The following FANCA variants were observed in gnomAD, a reference collection of about 807,000 sequenced individuals.
The protein encoded by FANCA is FA complementation group A, also known as Fanconi anemia group A protein.
Under a neutral mutation model 194.3 loss-of-function variants are expected in FANCA, and 236 were observed. That is an observed-to-expected ratio of 1.21 (90% CI 1.09 to 1.35). The LOEUF (loss-of-function observed/expected upper bound fraction) is 1.35, where lower values mean the gene tolerates loss of function less well. Among genes scored for constraint, FANCA ranks in the 40% most tolerant of loss-of-function variants. The probability of loss-of-function intolerance (pLI) is 0.00; values close to 1 mark genes in which losing one functional copy is unlikely to be tolerated. For synonymous variants in FANCA, 1,014 were observed against 715.8 expected (o/e 1.42, Z -6.65); for missense variants, 2,628 against 1,813.9 (o/e 1.45, Z -8.15).
chr16:89,765,082 A>C lies in FANCA; in HGVS notation c.2602-16T>G, dbSNP rs762865666. On this transcript the variant is annotated splice_polypyrimidine_tract_variant and intron_variant, in intron 27 of 42. Transcript: ENST00000389301. ...GGAACTGAAACTGAAACAGAGAGTG[A>C]CCCGGCCGTTTCTTCATTGCGCAAG... The C allele has an allele frequency of 6.8e-5, 109 of 1,613,566 alleles. No homozygotes were observed. Among genetic ancestry groups the C allele is most frequent in the Non-Finnish European group, 8.6e-5 (102 of 1,179,742 alleles).
chr16:89,778,961 G>T lies in FANCA; in HGVS notation c.1758C>A (p.Ala586=), dbSNP rs765437064. 6.2e-7 allele frequency: 1 copy of T among 1,614,118 alleles called. No homozygotes were observed. Among genetic ancestry groups the T allele is most frequent in the Non-Finnish European group, 8.5e-7 (1 of 1,180,038 alleles). ...TACTGACCACTCGAGGTGTGAGCAGGGCGGGGAGGAAGTGGGACACGTAGT... is the reference window on the plus strand; with the variant it reads ...TACTGACCACTCGAGGTGTGAGCAGTGCGGGGAGGAAGTGGGACACGTAGT... ...RPYYVSHFLP[A]LLTPRVLPKV... is the part of the protein sequence containing the mutation. The change falls in exon 19 of 43, where the codon GCC becomes GCA. Residue 586 remains alanine, a synonymous_variant. Transcript: ENST00000389301.
chr16:89,812,646 C>CAAAA (rs71137677), intron 3 of FANCA, among the ~76,000 whole-genome samples: 3,492 of 41,574 alleles, frequency 0.084, 244 homozygotes, highest in East Asian at 0.39. Flanking sequence ...TACTCCGTCT[C>CAAAA]AAAAAAAAAA....
intron 32 of FANCA, among the ~76,000 whole-genome samples, chr16:89,749,388 G>T (rs1316693365): frequency 6.6e-6 from 1 of 152,062 alleles, no homozygotes; most frequent in Admixed American, 6.6e-5. Flanking sequence ...AAATTTTTTT[G>T]TATTTTTTTT....
chr16:89,744,323 C>G (rs2062197184), intron 36 of FANCA, among the ~76,000 whole-genome samples: 1 of 152,192 alleles, frequency 6.6e-6, no homozygotes, highest in African/African-American at 2.4e-5. Flanking sequence ...TAGCAGTGCC[C>G]TCTGACGACC....
At chr16:89,763,263 A>T (rs1022845392) in intron 28 of FANCA, among the ~76,000 whole-genome samples, 6 of 152,040 alleles carry the variant, frequency 3.9e-5, no homozygotes, top group Non-Finnish European at 8.8e-5. Context: ...AAAAAATAAT[A>T]ATTTAAAAAT....
At chr16:89,805,451 G>A in intron 6 of FANCA, 59 bp from the exon 7 acceptor site, 1 of 1,375,170 alleles carries the variant, frequency 7.3e-7, no homozygotes, top group Non-Finnish European at 1.0e-6. Flanking sequence ...TCAGGGGATT[G>A]AGTTGAGCCA....
At position 89,738,577 on chromosome 16, in the gene FANCA, GC is replaced by G. The variant is rs776321328; in HGVS notation, c.*23del. The G allele has an allele frequency of 2.0e-5, 33 of 1,613,048 alleles. No homozygotes were observed. Among genetic ancestry groups the G allele is most frequent in the Non-Finnish European group, 2.3e-5 (27 of 1,180,012 alleles). On this transcript the variant is annotated 3_prime_UTR_variant, in exon 43 of 43. Transcript: ENST00000389301. ...AATAAATTATTTACACGGGAGCTGGGCTGGTGTGCAGTGGCAGGTCCCGTCA... is the reference window on the plus strand; with the variant it reads ...AATAAATTATTTACACGGGAGCTGGGTGGTGTGCAGTGGCAGGTCCCGTCA...
chr16:89,780,023 A>C, intron 17 of FANCA, 66 bp from the exon 18 acceptor site: 1 of 1,378,958 alleles, frequency 7.3e-7, no homozygotes, highest in Non-Finnish European at 1.0e-6. Flanking sequence ...TGAGCAGTGA[A>C]GGCCACACTC....
intron 30 of FANCA, among the ~76,000 whole-genome samples, chr16:89,755,073 C>T (rs1306093277): frequency 6.6e-6 from 1 of 152,198 alleles, no homozygotes; most frequent in East Asian, 1.9e-4. Context: ...CAGAAACAAA[C>T]CCTCACACGA....
rs1198054942 is a variant in FANCA at position 89,815,829 on chromosome 16, A to C, written c.189+48T>G. 10 of 1,457,786 alleles carry C rather than the reference A, an allele frequency of 6.9e-6. No homozygotes were observed. The Middle Eastern group carries it at 1.5e-3, about 213-fold the overall frequency. 90.3% of individuals were successfully genotyped at this position (1,457,786 alleles called of 1,614,324 possible). A position where few individuals can be genotyped will look rare whatever the true frequency, so the allele number is the denominator to read the frequency against. On this transcript the variant is annotated intron_variant, in intron 2 of 42. Transcript: ENST00000389301. ...AAGCTGTGCGGTGGCTGGACTCAAA[A>C]ACCCCGAACCTAAATCTGCCCGCAG...
At chr16:89,767,097 G>T in intron 27 of FANCA, 44 bp downstream of exon 27, 4 of 1,489,280 alleles carry the variant, frequency 2.7e-6, no homozygotes, top group Non-Finnish European at 3.7e-6. Flanking sequence ...GCGTAAACCT[G>T]AAACGTATGG....
In FANCA at chr16:89,752,073, A is replaced by C; in HGVS notation, c.3066+65T>G. ...GCGTGAGCCACCGCGCCTGGCAATA[A>C]ATATCTTAATAGCACGCGGCTTAAA... On this transcript the variant is annotated intron_variant, in intron 31 of 42. Transcript: ENST00000389301. 2.7e-6 allele frequency: 4 copies of C among 1,466,246 alleles called. No homozygotes were observed. In the Admixed American group the frequency reaches 6.7e-5, roughly 25 times the overall value. 90.8% of individuals were successfully genotyped at this position (1,466,246 alleles called of 1,614,324 possible).
intron 20 of FANCA, among the ~76,000 whole-genome samples, chr16:89,777,002 A>G (rs1362055130): frequency 6.6e-6 from 1 of 151,790 alleles, no homozygotes; most frequent in Non-Finnish European, 1.5e-5. Context: ...ATTTGAGGCC[A>G]AGAGAGAGAG....
Position 89,749,783 on chromosome 16 carries a change from C to G in FANCA, c.3186G>C (p.Gly1062=). ...FRRRLQALTS[G]WSVAASLQRQ... ...TCTGAAGGCTGGCAGCCACGCTCCA[C>G]CCGCTTGTCAGAGCCTGGAGCCGTC... Residue 1062 remains glycine, a synonymous_variant, in exon 32 of 43, where the codon GGG becomes GGC. Transcript: ENST00000389301. The G allele has an allele frequency of 6.2e-7, 1 of 1,614,256 alleles. No homozygotes were observed. Among genetic ancestry groups the G allele is most frequent in the African/African-American group, 1.3e-5 (1 of 75,066 alleles).
chr16:89,739,534 G>A lies in FANCA; in HGVS notation c.3954C>T (p.Leu1318=), dbSNP rs187297609. Residue 1318 remains leucine, a synonymous_variant, in exon 40 of 43, where the codon CTC becomes CTT. Coordinates refer to ENST00000389301, the MANE Select transcript of FANCA (RefSeq NM_000135.4). The part of the protein sequence containing the change: ...LTESDLRLGR[L]LLRVAPDQHT... ...GCTGATCCGGGGCCACACGGAGGAGGAGCCGCCCCAGCCTGAGGTCTGCAA... is the reference window on the plus strand; with the variant it reads ...GCTGATCCGGGGCCACACGGAGGAGAAGCCGCCCCAGCCTGAGGTCTGCAA... 1.9e-6 allele frequency: 3 copies of A among 1,551,352 alleles called. No homozygotes were observed. Among genetic ancestry groups the A allele is most frequent in the South Asian group, 1.2e-5 (1 of 84,068 alleles).
chr16:89,802,539 C>T (rs924323367), intron 8 of FANCA, among the ~76,000 whole-genome samples: 1 of 152,156 alleles, frequency 6.6e-6, no homozygotes, highest in African/African-American at 2.4e-5. Context: ...GTGGCTGGGT[C>T]CACAGGTGCC....
rs750333922 is a variant in FANCA at position 89,737,878 on chromosome 16, T to C, written c.*723A>G. 2 of 1,614,058 alleles carry C rather than the reference T, an allele frequency of 1.2e-6. No individual in the cohort carries two copies. The highest frequency in any genetic ancestry group is 1.7e-6 in the Non-Finnish European group (2 of 1,180,018). On this transcript the variant is annotated 3_prime_UTR_variant, in exon 43 of 43. Transcript: ENST00000389301. ...CGGAAGCACCTTCTCGTCCACCAAA[T>C]GCGACATTCGGGAGCCAAGCCTTTG...
intron 26 of FANCA, among the ~76,000 whole-genome samples, chr16:89,769,554 C>T (rs1323561302): frequency 3.9e-5 from 6 of 152,178 alleles, no homozygotes; most frequent in Non-Finnish European, 1.5e-5. Context: ...GCAGCTCTCA[C>T]CAGGACATCA....
At position 89,770,257 on chromosome 16, in the gene FANCA, T is replaced by C; in HGVS notation, c.2225A>G (p.Gln742Arg). 12 of 1,573,774 alleles carry C rather than the reference T, an allele frequency of 7.6e-6. No individual in the cohort carries two copies. The highest frequency in any genetic ancestry group is 1.0e-5 in the Non-Finnish European group (12 of 1,159,472). ...CACGAAGAGGGCAGCCCAGGGACCC[T>C]GCCTGCAGAGACAGCCGTGAAACCA... Reference protein sequence around the residue: ...AASSVAPPERQGPWAALFVRT... With the variant: ...AASSVAPPERRGPWAALFVRT... The change falls in exon 25 of 43, where the codon CAG becomes CGG. Residue 742 changes from glutamine to arginine, a missense_variant and splice_region_variant. Physicochemically the swap from Gln to Arg is conservative, Grantham distance 43. Transcript: ENST00000389301.
Sources: allele counts gnomAD v4.1 joint callset (sites outside exome capture counted in the v4.1 genomes callset), GRCh38; gene constraint gnomAD v4.1.1; transcripts MANE v1.5; gene names NCBI Gene and HGNC (gene_info 2026-07-23, HGNC 2026-07-21).